Variants in AFG1L observed in about 807,000 individuals in gnomAD.
AFG1L encodes AFG1 like ATPase.
Under a neutral mutation model 62.2 loss-of-function variants are expected in AFG1L, and 53 were observed. The observed-to-expected ratio is 0.85, with a 90% CI of 0.68 to 1.07. The LOEUF is 1.07. Ranked by LOEUF, AFG1L falls within the 50% of genes least tolerant of loss-of-function variation. AFG1L has a pLI of 0.00. For synonymous variants in AFG1L, 228 were observed against 210.3 expected, an observed-to-expected ratio of 1.08 and a Z score of -0.73; for missense variants, 555 against 590.5, an observed-to-expected ratio of 0.94 and a Z score of 0.62.
chr6:108,301,280 A>G (rs75493032), intron 1 of AFG1L, among the ~76,000 whole-genome samples: 16,223 of 152,134 alleles, frequency 0.11, 2,454 homozygotes, highest in African/African-American at 0.33. Flanking sequence ...TAATAATGCC[A>G]TAGCCTCCTG....
chr6:108,419,239 G>C lies in AFG1L; in HGVS notation c.807+17185G>C, dbSNP rs140195921. ...AGGGGAAATGTTCCTGTGCAAGATT[G>C]TATGTAGTGTTTTTGCACACAATGA... On this transcript the variant is annotated intron_variant, in intron 7 of 12. Transcript: ENST00000368977. Among the ~76,000 whole-genome samples the C allele has an allele frequency of 2.9e-4, 44 of 152,280 alleles. No homozygotes were observed. In the East Asian group the frequency reaches 7.7e-3, roughly 27 times the overall value.
At position 108,308,909 on chromosome 6, in the gene AFG1L, G is replaced by C. The variant is rs574983314; in HGVS notation, c.139+13691G>C. 6.0e-4 allele frequency among the ~76,000 whole-genome samples: 91 copies of C among 152,182 alleles called. No homozygotes were observed. In the Middle Eastern group the frequency reaches 0.014, roughly 23 times the overall value. The stretch of plus-strand genomic sequence containing the variant: ...TTTAGTAGAGATGGGGTTTCACCAT[G>C]TTGGCCCCGCTAGTCTTGAACTCCT... On this transcript the variant is annotated intron_variant, in intron 1 of 12. Coordinates refer to ENST00000368977, the MANE Select transcript of AFG1L (RefSeq NM_145315.5).
At position 108,523,426 on chromosome 6, in the gene AFG1L, C is replaced by T. The variant is rs767718044; in HGVS notation, c.*1001C>T. ...TGTCCTTCACTGAGCTCATCTTTTG[C>T]TTCTTTGAGTAAAACCTGGCTTTAC... On this transcript the variant is annotated 3_prime_UTR_variant, in exon 13 of 13. Transcript: ENST00000368977. 5 of 152,182 alleles carry T rather than the reference C, an allele frequency of 3.3e-5. No individual in the cohort carries two copies. The highest frequency in any genetic ancestry group is 7.3e-5 in the Non-Finnish European group (5 of 68,040). The allele number at this position is 152,182 out of a possible 1,614,324, so 9.4% of individuals were successfully genotyped here.
At chr6:108,352,121 C>T (rs1367614725) in intron 3 of AFG1L, among the ~76,000 whole-genome samples, 2 of 152,186 alleles carry the variant, frequency 1.3e-5, no homozygotes, top group Non-Finnish European at 2.9e-5. Flanking sequence ...TCCTATTCTA[C>T]CTCTCTCCCA....
chr6:108,439,280 A>T (rs139639712), intron 7 of AFG1L, among the ~76,000 whole-genome samples: 1 of 152,204 alleles, frequency 6.6e-6, no homozygotes, highest in Non-Finnish European at 1.5e-5. Flanking sequence ...ATTCATCATT[A>T]TATCTCTAGT....
In AFG1L at chr6:108,390,656, T is replaced by G. The variant is rs1396202760; in HGVS notation, c.749-11340T>G. Among the ~76,000 whole-genome samples, 10 of 152,200 alleles carry G rather than the reference T, an allele frequency of 6.6e-5. No homozygotes were observed. The East Asian group carries it at 1.5e-3, about 23-fold the overall frequency. ...ACTCCAGACGCTGTTTGCCTGGGCA[T>G]CAGCATTGGAGGCTGCAAACAGCGA... On this transcript the variant is annotated intron_variant, in intron 6 of 12. Transcript: ENST00000368977.
intron 7 of AFG1L, among the ~76,000 whole-genome samples, chr6:108,435,931 A>T (rs1176918981): frequency 6.6e-6 from 1 of 152,208 alleles, no homozygotes; most frequent in African/African-American, 2.4e-5. Context: ...TTTACTGAGC[A>T]TTTACTATGT....
chr6:108,466,764 T>A (rs200161332), intron 8 of AFG1L, among the ~76,000 whole-genome samples: 7,112 of 32,770 alleles, frequency 0.22, 210 homozygotes, highest in South Asian at 0.44. Flanking sequence ...TGTTAAAATA[T>A]ATATATTTTA....
intron 10 of AFG1L, among the ~76,000 whole-genome samples, chr6:108,504,540 A>G (rs1253726074): frequency 6.6e-6 from 1 of 152,216 alleles, no homozygotes; most frequent in Non-Finnish European, 1.5e-5. Context: ...AGATCACCAT[A>G]CCAGATGTAA....
chr6:108,471,727 C>T (rs751306371), intron 8 of AFG1L, among the ~76,000 whole-genome samples: 3 of 151,968 alleles, frequency 2.0e-5, no homozygotes, highest in Non-Finnish European at 2.9e-5. Flanking sequence ...CCAAATCCAT[C>T]GTGTTCTTAT....
intron 6 of AFG1L, among the ~76,000 whole-genome samples, chr6:108,383,933 T>C (rs533622199): frequency 6.1e-4 from 93 of 152,206 alleles, no homozygotes; most frequent in African/African-American, 2.2e-3. Flanking sequence ...ATAAATGGGT[T>C]GAGTTCCCTA....
At chr6:108,433,444 T>A (rs1771168571) in intron 7 of AFG1L, among the ~76,000 whole-genome samples, 1 of 151,606 alleles carries the variant, frequency 6.6e-6, no homozygotes, top group Admixed American at 6.6e-5. Flanking sequence ...CACACCCAGC[T>A]AATTTTTGTA....
intron 1 of AFG1L, among the ~76,000 whole-genome samples, chr6:108,300,652 A>G (rs1253597139): frequency 1.3e-5 from 2 of 150,436 alleles, no homozygotes; most frequent in African/African-American, 4.9e-5. Context: ...CTTAATACTC[A>G]CTGGTTATAG....
intron 2 of AFG1L, among the ~76,000 whole-genome samples, chr6:108,343,821 A>G (rs1225615581): frequency 6.6e-6 from 1 of 152,228 alleles, no homozygotes; most frequent in Non-Finnish European, 1.5e-5. Context: ...AGATACCAGG[A>G]AGCCATCCAG....
chr6:108,379,609 C>T (rs1780410994), intron 6 of AFG1L, among the ~76,000 whole-genome samples: 1 of 152,176 alleles, frequency 6.6e-6, no homozygotes, highest in Non-Finnish European at 1.5e-5. Flanking sequence ...TGATGGTAGG[C>T]ACAAGCACTA....
intron 1 of AFG1L, among the ~76,000 whole-genome samples, chr6:108,314,315 A>G (rs1214266141): frequency 6.6e-6 from 1 of 151,696 alleles, no homozygotes; most frequent in Non-Finnish European, 1.5e-5. Flanking sequence ...TCCTAGTCTT[A>G]TTTTCTAAAG....
chr6:108,457,501 A>G (rs1308101643), intron 8 of AFG1L, among the ~76,000 whole-genome samples: 1 of 151,156 alleles, frequency 6.6e-6, no homozygotes, highest in Admixed American at 6.6e-5. Context: ...CTTTTTTGTT[A>G]TTTTATTATG....
chr6:108,331,865 G>A (rs1300089403), intron 2 of AFG1L, among the ~76,000 whole-genome samples: 1 of 152,112 alleles, frequency 6.6e-6, no homozygotes, highest in South Asian at 2.1e-4. Flanking sequence ...CTCTTGGGAG[G>A]AGACATCGTA....
At chr6:108,321,672 G>A (rs1309860477) in intron 1 of AFG1L, among the ~76,000 whole-genome samples, 2 of 152,112 alleles carry the variant, frequency 1.3e-5, no homozygotes, top group Admixed American at 6.6e-5. Flanking sequence ...TCAAATTGCC[G>A]GGAACATTTA....
Sources: gnomAD v4.1 joint callset for allele counts (sites outside exome capture counted in the v4.1 genomes callset) on GRCh38, gnomAD v4.1.1 for gene constraint, MANE v1.5 for transcripts, NCBI Gene and HGNC (gene_info 2026-07-23, HGNC 2026-07-21) for gene names.